GRM5: variants seen among roughly 807,000 people sequenced by gnomAD.
GRM5 encodes glutamate metabotropic receptor 5.
GRM5 carries 19 observed loss-of-function variants against 83.1 expected under a neutral mutation model. The observed-to-expected ratio is 0.23, with a 90% CI of 0.16 to 0.34. The LOEUF is 0.34. Ranked by LOEUF, GRM5 falls within the 10% of genes least tolerant of loss-of-function variation. The probability of loss-of-function intolerance (pLI) is 1.00; values close to 1 mark genes in which losing one functional copy is unlikely to be tolerated. For synonymous variants in GRM5, 675 were observed against 633.6 expected (o/e 1.07, Z -0.98); for missense variants, 1,160 against 1,588.3 (o/e 0.73, Z 4.58).
chr11:89,059,369 T>G (rs1941942220), intron 1 of GRM5, among the ~76,000 whole-genome samples: 2 of 152,204 alleles, frequency 1.3e-5, no homozygotes, highest in Admixed American at 1.3e-4. Context: ...TGCATGTTTA[T>G]TTTAAAATAT....
At chr11:88,678,062 A>ATT (rs11413890) in intron 3 of GRM5, among the ~76,000 whole-genome samples, 3,379 of 146,768 alleles carry the variant, frequency 0.023, 53 homozygotes, top group African/African-American at 0.048. Context: ...TAATTTCTGA[A>ATT]TTTTTTTTTT....
intron 3 of GRM5, among the ~76,000 whole-genome samples, chr11:88,752,920 C>A (rs1351980946): frequency 6.6e-6 from 1 of 152,128 alleles, no homozygotes; most frequent in African/African-American, 2.4e-5. Flanking sequence ...AAAATTGAAA[C>A]TGGACCCCTT....
At chr11:88,944,789 C>T (rs982570189) in intron 2 of GRM5, among the ~76,000 whole-genome samples, 1 of 151,780 alleles carries the variant, frequency 6.6e-6, no homozygotes, top group Non-Finnish European at 1.5e-5. Flanking sequence ...AAATATCCCC[C>T]TAGAGAACTA....
intron 2 of GRM5, among the ~76,000 whole-genome samples, chr11:89,045,556 T>C (rs1386219872): frequency 6.6e-6 from 1 of 152,184 alleles, no homozygotes; most frequent in Non-Finnish European, 1.5e-5. Flanking sequence ...TAAATGATAA[T>C]GCATTGTTTG....
chr11:88,711,916 C>T (rs144556687), intron 3 of GRM5, among the ~76,000 whole-genome samples: 367 of 152,148 alleles, frequency 2.4e-3, no homozygotes, highest in Non-Finnish European at 3.9e-3. Flanking sequence ...TGGTAATCTA[C>T]ACTCTCCCTG....
intron 9 of GRM5, among the ~76,000 whole-genome samples, chr11:88,515,659 TA>T (rs1351823617): frequency 6.6e-6 from 1 of 152,240 alleles, no homozygotes; most frequent in Non-Finnish European, 1.5e-5. Flanking sequence ...ATTTAAGTTC[TA>T]GGTCTTAGCT....
At position 88,902,977 on chromosome 11, in the gene GRM5, A is replaced by G. The variant is rs113894155; in HGVS notation, c.662-52822T>C. 5.3e-3 allele frequency among the ~76,000 whole-genome samples: 790 copies of G among 149,250 alleles called. 5 individuals carry two copies. Among genetic ancestry groups the G allele is most frequent in the Non-Finnish European group, 9.2e-3 (618 of 67,040 alleles). ...AAAAAAAAAAAAAAAAAAAAAAAAA[A>G]AAGCAAAGAAAAGGAAAGAAAAGAA... is the stretch of plus-strand genomic sequence containing the variant. On this transcript the variant is annotated intron_variant, in intron 2 of 9. Transcript: ENST00000305447.
intron 2 of GRM5, among the ~76,000 whole-genome samples, chr11:89,040,229 C>T (rs1387562963): frequency 6.6e-6 from 1 of 151,984 alleles, no homozygotes; most frequent in Non-Finnish European, 1.5e-5. Context: ...TTACTTTTAG[C>T]ACAGTTAGTA....
At chr11:88,849,787 C>A in intron 3 of GRM5, 119 bp downstream of exon 3, 1 of 934,808 alleles carries the variant, frequency 1.1e-6, no homozygotes, top group Non-Finnish European at 1.7e-6. Flanking sequence ...AATTTAAGCT[C>A]TATTTCCACT....
intron 3 of GRM5, among the ~76,000 whole-genome samples, chr11:88,748,136 C>G (rs1942182151): frequency 6.6e-6 from 1 of 152,092 alleles, no homozygotes; most frequent in South Asian, 2.1e-4. Context: ...TCTTTGCAAC[C>G]CATGGATCAA....
intron 2 of GRM5, among the ~76,000 whole-genome samples, chr11:88,937,538 C>T (rs1307917858): frequency 1.3e-5 from 2 of 151,608 alleles, no homozygotes; most frequent in Non-Finnish European, 3.0e-5. Context: ...AGTAAAGTTT[C>T]TCTTACCCAG....
At chr11:89,032,048 T>C (rs938485526) in intron 2 of GRM5, among the ~76,000 whole-genome samples, 1 of 152,098 alleles carries the variant, frequency 6.6e-6, no homozygotes, top group African/African-American at 2.4e-5. Flanking sequence ...ATACTATTAA[T>C]TTAATTTGCA....
intron 4 of GRM5, among the ~76,000 whole-genome samples, chr11:88,606,923 G>A (rs1365029615): frequency 1.4e-5 from 2 of 146,394 alleles, no homozygotes; most frequent in Non-Finnish European, 1.5e-5. Flanking sequence ...TGGAAGAAAT[G>A]TTTTCTTTAA....
chr11:88,575,794 A>T (rs1432510361), intron 7 of GRM5, among the ~76,000 whole-genome samples: 2 of 152,170 alleles, frequency 1.3e-5, no homozygotes. Context: ...ACAGCCATCC[A>T]TTTGTCATTG....
intron 2 of GRM5, among the ~76,000 whole-genome samples, chr11:88,869,485 T>C (rs1944725897): frequency 6.6e-6 from 1 of 151,604 alleles, no homozygotes; most frequent in Admixed American, 6.6e-5. Flanking sequence ...TCTCTGTTTA[T>C]TTGATGTGTG....
chr11:88,915,041 A>C (rs1945565787), intron 2 of GRM5, among the ~76,000 whole-genome samples: 1 of 152,176 alleles, frequency 6.6e-6, no homozygotes, highest in Non-Finnish European at 1.5e-5. Flanking sequence ...ACTTTTACAA[A>C]AACAAAAAGG....
intron 2 of GRM5, among the ~76,000 whole-genome samples, chr11:89,011,446 T>C (rs1370787637): frequency 2.0e-5 from 3 of 152,200 alleles, no homozygotes; most frequent in Non-Finnish European, 2.9e-5. Flanking sequence ...ATTAGTTCAG[T>C]GGTGTCTAGT....
intron 4 of GRM5, among the ~76,000 whole-genome samples, chr11:88,606,317 GT>G (rs932104245): frequency 1.3e-5 from 2 of 152,204 alleles, no homozygotes; most frequent in African/African-American, 4.8e-5. Flanking sequence ...GAGGTCAAGA[GT>G]TTAAGAACAG....
chr11:88,639,148 C>T (rs1229297973), intron 4 of GRM5, among the ~76,000 whole-genome samples: 1 of 151,952 alleles, frequency 6.6e-6, no homozygotes, highest in African/African-American at 2.4e-5. Flanking sequence ...CGTGTTTTTT[C>T]CATTCTGACT....
Sources: gnomAD v4.1 joint callset for allele counts (sites outside exome capture counted in the v4.1 genomes callset) on GRCh38, gnomAD v4.1.1 for gene constraint, MANE v1.5 for transcripts, NCBI Gene and HGNC (gene_info 2026-07-23, HGNC 2026-07-21) for gene names.